AMD1: variants seen among roughly 807,000 people sequenced by gnomAD.
AMD1 encodes the protein adenosylmethionine decarboxylase 1.
A neutral mutation model predicts 40.2 loss-of-function variants in AMD1; 11 were observed. That is an observed-to-expected ratio of 0.27 (90% CI 0.17 to 0.45). AMD1 has a LOEUF of 0.45. Ranked by LOEUF, AMD1 falls within the 20% of genes least tolerant of loss-of-function variation. AMD1 has a pLI of 1.00. For synonymous variants in AMD1, 121 were observed against 130.8 expected, an observed-to-expected ratio of 0.93 and a Z score of 0.51; for missense variants, 257 against 410.2, an observed-to-expected ratio of 0.63 and a Z score of 3.23.
chr6:110,842,999 G>T, the AMD1 span, among the ~76,000 whole-genome samples: 4 of 152,110 alleles, frequency 2.6e-5, 1 homozygote, highest in Non-Finnish European at 5.9e-5. Flanking sequence ...CGGGCATGGT[G>T]GTGGGCACCT....
upstream of AMD1, among the ~76,000 whole-genome samples, chr6:110,874,493 C>T (rs1017118579): frequency 6.6e-6 from 1 of 152,178 alleles, no homozygotes; most frequent in Admixed American, 6.5e-5. Context: ...ACAGCCTTTC[C>T]TCATTCCGTT....
chr6:110,858,285 C>A, the AMD1 span: 1 of 955,644 alleles, frequency 1.0e-6, no homozygotes, highest in Non-Finnish European at 1.7e-6. Flanking sequence ...GGGCTGTCAG[C>A]CGAGATCAAG....
intron 1 of AMD1, among the ~76,000 whole-genome samples, chr6:110,883,164 C>G (rs1279593): frequency 0.79 from 120,320 of 152,134 alleles, 48,260 homozygotes; most frequent in Middle Eastern, 0.87. Flanking sequence ...AAGAAGCATG[C>G]TACACTGTCT....
chr6:110,854,345 C>T, the AMD1 span, among the ~76,000 whole-genome samples: 2 of 152,132 alleles, frequency 1.3e-5, no homozygotes, highest in Admixed American at 1.3e-4. Flanking sequence ...CACTGGAGAC[C>T]TTAATTTAAA....
chr6:110,834,597 A>C, the AMD1 span, among the ~76,000 whole-genome samples: 53 of 152,192 alleles, frequency 3.5e-4, no homozygotes, highest in South Asian at 0.01. Flanking sequence ...CCAAGGCAGG[A>C]AGATTGCTTG....
At chr6:110,845,038 CTTTTTT>C in the AMD1 span, among the ~76,000 whole-genome samples, 1 of 122,248 alleles carries the variant, frequency 8.2e-6, no homozygotes, top group Admixed American at 8.6e-5. Context: ...TGCCACAGAC[CTTTTTT>C]TTTTTTTTTT....
the AMD1 span, among the ~76,000 whole-genome samples, chr6:110,822,984 C>T: frequency 6.6e-6 from 1 of 151,956 alleles, no homozygotes; most frequent in Non-Finnish European, 1.5e-5. Flanking sequence ...GGCGTAGTGG[C>T]GCATGCCTGT....
chr6:110,892,669 A>G (rs962011538), intron 6 of AMD1, 66 bp from the exon 7 acceptor site: 1 of 1,573,322 alleles, frequency 6.4e-7, no homozygotes, highest in Non-Finnish European at 8.7e-7. Context: ...CCTGGGACTA[A>G]ATTTTGGACT....
At chr6:110,826,503 T>C in the AMD1 span, among the ~76,000 whole-genome samples, 8 of 151,932 alleles carry the variant, frequency 5.3e-5, no homozygotes, top group East Asian at 1.5e-3. Flanking sequence ...GAAATCAAGA[T>C]GTCTGGAGGG....
rs1427066158 is a variant in AMD1, at chr6:110,894,506, T to C, written c.*890T>C. On this transcript the variant is annotated 3_prime_UTR_variant, in exon 9 of 9. Coordinates refer to ENST00000368885, the MANE Select transcript of AMD1 (RefSeq NM_001634.6). ...AGATTAGGGTGTACTGGCTGAACTG[T>C]GGAAAACATACAATTCTGTGTTCCT... 3 of 152,228 alleles carry C rather than the reference T, an allele frequency of 2.0e-5. No homozygotes were observed. 9.4% of individuals were successfully genotyped at this position (152,228 alleles called of 1,614,324 possible). A position where few individuals can be genotyped will look rare whatever the true frequency, so the allele number is the denominator to read the frequency against.
chr6:110,832,446 T>C, the AMD1 span, among the ~76,000 whole-genome samples: 1 of 152,090 alleles, frequency 6.6e-6, no homozygotes, highest in East Asian at 1.9e-4. Context: ...CCACCACACC[T>C]GGCCTACATG....
the AMD1 span, among the ~76,000 whole-genome samples, chr6:110,844,610 T>C: frequency 5.3e-5 from 8 of 151,524 alleles, no homozygotes; most frequent in African/African-American, 1.7e-4. Flanking sequence ...TGAAACCCCA[T>C]CTCTACTAAA....
At chr6:110,833,962 AT>A in the AMD1 span, among the ~76,000 whole-genome samples, 46 of 148,000 alleles carry the variant, frequency 3.1e-4, no homozygotes, top group Admixed American at 6.8e-4. Flanking sequence ...AGGAAAAACA[AT>A]TTTTTTTTTT....
Position 110,892,280 on chromosome 6 carries a change from A to G in AMD1, c.471-19A>G. 1.2e-6 allele frequency: 2 copies of G among 1,613,350 alleles called. No homozygotes were observed. The highest frequency in any genetic ancestry group is 1.3e-5 in the African/African-American group (1 of 74,982). ...CTGCCAATTGTCATTTTTAGGAACTATTTTTAATTTTTATTTAGGTACTTA... is the reference window on the plus strand; with the variant it reads ...CTGCCAATTGTCATTTTTAGGAACTGTTTTTAATTTTTATTTAGGTACTTA... On this transcript the variant is annotated intron_variant, in intron 5 of 8. Coordinates refer to ENST00000368885, the MANE Select transcript of AMD1 (RefSeq NM_001634.6).
At chr6:110,877,523 G>T (rs539351640) in intron 1 of AMD1, among the ~76,000 whole-genome samples, 1 of 152,256 alleles carries the variant, frequency 6.6e-6, no homozygotes, top group Non-Finnish European at 1.5e-5. Context: ...AGAATAAAGC[G>T]TGACATGTTT....
the AMD1 span, among the ~76,000 whole-genome samples, chr6:110,859,426 GGGA>G: frequency 2.6e-5 from 4 of 152,240 alleles, 1 homozygote; most frequent in South Asian, 8.3e-4. Context: ...AGCAGTGCTG[GGGA>G]GAAGAGACCT....
At chr6:110,844,444 C>T in the AMD1 span, among the ~76,000 whole-genome samples, 14,039 of 151,256 alleles carry the variant, frequency 0.093, 1,258 homozygotes, top group African/African-American at 0.24. Flanking sequence ...AGGCATGAGC[C>T]GCCTTGCCTG....
In AMD1 at chr6:110,874,997, C is replaced by A; in HGVS notation, c.-109C>A. On this transcript the variant is annotated 5_prime_UTR_variant, in exon 1 of 9. Transcript: ENST00000368885. ...TAGCAAAAAAAAAAAGGAACCTGAA[C>A]TTTAGTAACACAGCTGGAACAATCC... 3 of 725,946 alleles carry A rather than the reference C, an allele frequency of 4.1e-6. No homozygotes were observed. The highest frequency in any genetic ancestry group is 1.8e-5 in the South Asian group (1 of 54,378). The allele number at this position is 725,946 out of a possible 1,614,324, so 45.0% of individuals were successfully genotyped here. A position where few individuals can be genotyped will look rare whatever the true frequency, so the allele number is the denominator to read the frequency against.
At chr6:110,859,870 C>T in the AMD1 span, among the ~76,000 whole-genome samples, 2 of 152,074 alleles carry the variant, frequency 1.3e-5, no homozygotes, top group African/African-American at 4.8e-5. Flanking sequence ...GTTGTTGTTG[C>T]CCAGGCTGGA....
Sources: gnomAD v4.1 joint callset for allele counts (sites outside exome capture counted in the v4.1 genomes callset) on GRCh38, gnomAD v4.1.1 for gene constraint, MANE v1.5 for transcripts, NCBI Gene and HGNC (gene_info 2026-07-23, HGNC 2026-07-21) for gene names.